The following TTN variants were observed in gnomAD, a reference collection of about 807,000 sequenced individuals.
TTN encodes the protein connectin.
A neutral mutation model predicts 3,223.0 loss-of-function variants in TTN; 1,525 were observed. That is an observed-to-expected ratio of 0.47 (90% confidence interval 0.45 to 0.49). The LOEUF is 0.49. TTN is among the 20% of genes least tolerant of loss of function. The probability of loss-of-function intolerance (pLI) is 0.00; values close to 1 mark genes in which losing one functional copy is unlikely to be tolerated. For synonymous variants in TTN, 14,094 were observed against 15,161.0 expected, an observed-to-expected ratio of 0.93 and a Z score of 5.17; for missense variants, 40,786 against 43,424.0, an observed-to-expected ratio of 0.94 and a Z score of 5.40.
Position 178,571,037 on chromosome 2 carries a change from T to G in TTN, c.75095A>C (p.Tyr25032Ser). 1 of 1,612,556 alleles carries G rather than the reference T, an allele frequency of 6.2e-7. No homozygotes were observed. The highest frequency in any genetic ancestry group is 8.5e-7 in the Non-Finnish European group (1 of 1,178,808). The change falls in exon 326 of 363, where the codon TAT (tyrosine) becomes TCT (serine). Residue 25032 changes from tyrosine (Y) to serine (S), a missense_variant. By Grantham distance (144) the Tyr-to-Ser change is moderately radical. Transcript: ENST00000589042. Reference protein sequence around the residue: ...SVTLQWKKPTYDGGSKITGYI... With the variant: ...SVTLQWKKPTSDGGSKITGYI... ...ACCAGTGATCTTGCTTCCACCGTCA[T>G]AGGTGGGTTTCTTCCACTGAAGAGT...
chr2:178,764,267 C>G lies in TTN; in HGVS notation c.10024G>C (p.Val3342Leu). The change falls in exon 43 of 363, where the codon GTT becomes CTT. Residue 3342 changes from valine to leucine, a missense_variant. Coordinates refer to ENST00000589042, the MANE Select transcript of TTN (RefSeq NM_001267550.2). Reference sequence around the variant, plus strand: ...GGGGTGATGATGGCAGGTGGATAAACAGGCATTTCCTGATCAGGAGACACA... The same window carrying G: ...GGGGTGATGATGGCAGGTGGATAAAGAGGCATTTCCTGATCAGGAGACACA... ...EVVSPDQEMP[V>L]YPPAIITPLQ... is the part of the protein sequence containing the mutation. The G allele has an allele frequency of 1.2e-6, 2 of 1,614,014 alleles. No homozygotes were observed. Among genetic ancestry groups the G allele is most frequent in the African/African-American group, 1.3e-5 (1 of 75,024 alleles).
Position 178,722,641 on chromosome 2 carries a change from T to C in TTN, c.22240+18A>G. ...GTTAAGGAAAAAAGAATTTTTTTAA[T>C]TTGTAAAATATCATCACCTTGAATT... On this transcript the variant is annotated intron_variant, in intron 76 of 362. Transcript: ENST00000589042. 1 of 1,591,940 alleles carries C rather than the reference T, an allele frequency of 6.3e-7. No homozygotes were observed. The highest frequency in any genetic ancestry group is 2.2e-5 in the East Asian group (1 of 44,586).
rs587780981 is a variant in TTN, at chr2:178,582,405, C to T, written c.66051G>A (p.Val22017=). The T allele has an allele frequency of 1.1e-4, 173 of 1,612,868 alleles. No homozygotes were observed. In the Middle Eastern group the frequency reaches 1.3e-3, roughly 12 times the overall value. ...ACTCATGGCCCTCTATAAGTTTCTC[C>T]ACGCTGCAGCTGGTGATAGGCACAG... is the stretch of plus-strand genomic sequence containing the variant. ...SATVPITSCS[V]EKLIEGHEYQ... is the part of the protein sequence containing the mutation. Residue 22017 remains valine (V), a synonymous_variant, in exon 314 of 363, where the codon GTG becomes GTA. Transcript: ENST00000589042.
chr2:178,761,928 A>T (rs982009433), intron 43 of TTN, among the ~76,000 whole-genome samples: 12 of 152,206 alleles, frequency 7.9e-5, no homozygotes, highest in African/African-American at 2.9e-4. Flanking sequence ...CAGCAAAAAA[A>T]TAGCTTTTTT....
chr2:178,749,062 A>G, intron 47 of TTN: 1 of 1,612,820 alleles, frequency 6.2e-7, no homozygotes, highest in Non-Finnish European at 8.5e-7. Context: ...GTATCTCTTC[A>G]CCAAGGGATT....
chr2:178,749,649 C>T, intron 47 of TTN: 1 of 1,612,742 alleles, frequency 6.2e-7, no homozygotes, highest in Non-Finnish European at 8.5e-7. Context: ...CTATAAGTGA[C>T]AGGCTCCACT....
Position 178,640,131 on chromosome 2 carries a change from G to A in TTN, c.40724-21C>T, listed in dbSNP as rs569704411. 12 of 1,607,452 alleles carry A rather than the reference G, an allele frequency of 7.5e-6. No homozygotes were observed. In the South Asian group the frequency reaches 1.2e-4, roughly 16 times the overall value. ...AGGCACTGAAATAATTTAGAGTAGAGGGCAGATTATTACAGGATTTTTGAA... is the reference window on the plus strand; with the variant it reads ...AGGCACTGAAATAATTTAGAGTAGAAGGCAGATTATTACAGGATTTTTGAA... On this transcript the variant is annotated intron_variant, in intron 221 of 362. Coordinates refer to ENST00000589042, the MANE Select transcript of TTN (RefSeq NM_001267550.2).
intron 20 of TTN, 144 bp downstream of exon 20, chr2:178,782,068 G>A (rs1012305889): frequency 2.0e-6 from 2 of 983,636 alleles, no homozygotes; most frequent in Middle Eastern, 3.2e-4. Context: ...CAAAAAAAAT[G>A]TAAAAATACC....
chr2:178,629,760 TGATTGGGAGAG>T (rs2059564792), intron 239 of TTN, among the ~76,000 whole-genome samples: 1 of 152,128 alleles, frequency 6.6e-6, no homozygotes, highest in Non-Finnish European at 1.5e-5. Flanking sequence ...ACTAAGACTC[TGATTGGGAGAG>T]GACAAGGGGC....
At position 178,571,631 on chromosome 2, in the gene TTN, T is replaced by C; in HGVS notation, c.74501A>G (p.Lys24834Arg). ...DSITLSWGPP[K>R]YDGGSSINNY... ...ATTGATAGAACTTCCACCATCATACTTGGGTGGGCCCCAGGAAAGAGTAAT... is the reference window on the plus strand; with the variant it reads ...ATTGATAGAACTTCCACCATCATACCTGGGTGGGCCCCAGGAAAGAGTAAT... The change falls in exon 326 of 363, where the codon AAG (lysine) becomes AGG (arginine). Residue 24834 changes from lysine to arginine, a missense_variant. Lys to Arg is a conservative substitution (Grantham distance 26, BLOSUM62 2). Transcript: ENST00000589042. 7 of 1,613,338 alleles carry C rather than the reference T, an allele frequency of 4.3e-6. No homozygotes were observed. Among genetic ancestry groups the C allele is most frequent in the Non-Finnish European group, 5.9e-6 (7 of 1,179,570 alleles).
intron 241 of TTN, 30 bp from the exon 242 acceptor site, chr2:178,624,761 A>G (rs1351644896): frequency 6.2e-7 from 1 of 1,604,512 alleles, no homozygotes; most frequent in Admixed American, 1.7e-5. Flanking sequence ...TAGCCAAGGT[A>G]CTCCTTTCCT....
chr2:178,619,953 G>T (rs756126373), intron 249 of TTN, 35 bp downstream of exon 249: 223 of 1,595,144 alleles, frequency 1.4e-4, no homozygotes, highest in Non-Finnish European at 1.8e-4. Flanking sequence ...TAAAAAATTG[G>T]TAACATTAGA....
rs368425364 is a variant in TTN at position 178,605,124 on chromosome 2, T to A, written c.54053A>T (p.Lys18018Met). ...EKPTDALQIT[K>M]EEVSRSEAKT... is the part of the protein sequence containing the mutation. Reference sequence around the variant, plus strand: ...TGCCTCACTTCGGGATACCTCTTCCTTGGTTATCTGAAGTGCATCAGTGGG... The same window carrying A: ...TGCCTCACTTCGGGATACCTCTTCCATGGTTATCTGAAGTGCATCAGTGGG... Residue 18018 changes from lysine (K) to methionine (M), a missense_variant, in exon 280 of 363, where the codon AAG becomes ATG. Coordinates refer to ENST00000589042, the MANE Select transcript of TTN (RefSeq NM_001267550.2). 144 of 1,612,690 alleles carry A rather than the reference T, an allele frequency of 8.9e-5. No individual in the cohort carries two copies. Among genetic ancestry groups the A allele is most frequent in the Non-Finnish European group, 1.1e-4 (126 of 1,179,238 alleles).
Position 178,685,611 on chromosome 2 carries a change from C to A in TTN, c.32312-13G>T. 1 of 1,609,106 alleles carries A rather than the reference C, an allele frequency of 6.2e-7. No individual in the cohort carries two copies. The highest frequency in any genetic ancestry group is 8.5e-7 in the Non-Finnish European group (1 of 1,176,732). On this transcript the variant is annotated splice_polypyrimidine_tract_variant and intron_variant, in intron 127 of 362. Transcript: ENST00000589042. ...GGCTCTTCCATCACTTTAAAGACAG[C>A]AGTTTTAAAGAAGATAAATTACAGT...
At chr2:178,680,817 A>G (rs1048160179) in intron 138 of TTN, among the ~76,000 whole-genome samples, 1 of 152,108 alleles carries the variant, frequency 6.6e-6, no homozygotes, top group Non-Finnish European at 1.5e-5. Context: ...ACTGATTTTA[A>G]ACCCAAACAT....
chr2:178,738,108 C>G lies in TTN; in HGVS notation c.14345G>C (p.Ser4782Thr), dbSNP rs281864908. 6.2e-7 allele frequency: 1 copy of G among 1,613,664 alleles called. No individual in the cohort carries two copies. The highest frequency in any genetic ancestry group is 1.7e-5 in the Admixed American group (1 of 60,016). Residue 4782 changes from serine (S) to threonine (T), a missense_variant, in exon 49 of 363, where the codon AGC (serine) becomes ACC (threonine). Coordinates refer to ENST00000589042, the MANE Select transcript of TTN (RefSeq NM_001267550.2). ...TGTCACAGTTAGTGTGGCTGTACAG[C>G]TGACACTGCCATACTCATTGGAAGC... The part of the protein sequence containing the change: ...CKASNEYGSV[S>T]CTATLTVTEA...
intron 33 of TTN, 73 bp downstream of exon 33, chr2:178,773,036 G>T: frequency 1.3e-6 from 2 of 1,594,558 alleles, no homozygotes; most frequent in South Asian, 1.1e-5. Context: ...AAGGAATTTT[G>T]GGGGAAATGA....
At chr2:178,800,125 A>G (rs2154358805) in intron 4 of TTN, among the ~76,000 whole-genome samples, 1 of 152,344 alleles carries the variant, frequency 6.6e-6, no homozygotes. Flanking sequence ...ATTTTTTAAA[A>G]TTTCATTATT....
In TTN at chr2:178,553,958, G is replaced by C; in HGVS notation, c.89153C>G (p.Pro29718Arg). The C allele has an allele frequency of 1.2e-6, 2 of 1,608,954 alleles. No homozygotes were observed. Among genetic ancestry groups the C allele is most frequent in the Non-Finnish European group, 1.7e-6 (2 of 1,178,850 alleles). The change falls in exon 333 of 363, where the codon CCA becomes CGA. Residue 29718 changes from proline to arginine, a missense_variant. Physicochemically the swap from Pro to Arg is moderately radical, Grantham distance 103. Coordinates refer to ENST00000589042, the MANE Select transcript of TTN (RefSeq NM_001267550.2). Reference protein sequence around the residue: ...VCAVNAAGQGPFSEPSEFYKA... With the variant: ...VCAVNAAGQGRFSEPSEFYKA... ...GTAGAATTCAGATGGTTCAGAAAATGGACCCTGTCCAGCAGCGTTTACAGC... is the reference window on the plus strand; with the variant it reads ...GTAGAATTCAGATGGTTCAGAAAATCGACCCTGTCCAGCAGCGTTTACAGC...
Sources: allele counts gnomAD v4.1 joint callset (sites outside exome capture counted in the v4.1 genomes callset), GRCh38; gene constraint gnomAD v4.1.1; transcripts MANE v1.5; gene names NCBI Gene and HGNC (gene_info 2026-07-23, HGNC 2026-07-21).